The following C16orf46 variants were observed in gnomAD, a reference collection of about 807,000 sequenced individuals.
The protein encoded by C16orf46 is chromosome 16 open reading frame 46.
A neutral mutation model predicts 5.5 loss-of-function variants in C16orf46; 7 were observed. The ratio of observed to expected loss-of-function variants is 1.28; its 90% CI spans 0.73 to 2.40. The LOEUF (loss-of-function observed/expected upper bound fraction) is 2.40, where lower values mean the gene tolerates loss of function less well. Among genes scored for constraint, C16orf46 ranks in the 30% most tolerant of loss-of-function variants. C16orf46 has a pLI of 0.00. For synonymous variants in C16orf46, 200 were observed against 184.1 expected (o/e 1.09, Z -0.70); for missense variants, 614 against 476.0 (o/e 1.29, Z -2.70).
chr16:81,053,764 T>C (rs991444636), exon 4 of C16orf46: 4 of 275,900 alleles, frequency 1.4e-5, no homozygotes, highest in African/African-American at 8.7e-5. Flanking sequence ...GAAAATAAAT[T>C]GTTTTGAAAT....
Position 81,061,710 on chromosome 16 carries a change from G to A in C16orf46, c.639C>T (p.Pro213=), listed in dbSNP as rs200487806. The A allele has an allele frequency of 1.9e-5, 30 of 1,613,948 alleles. No individual in the cohort carries two copies. The highest frequency in any genetic ancestry group is 1.7e-5 in the Admixed American group (1 of 60,010). The part of the protein sequence containing the change: ...LTSRALLVLP[P]LKASLSNALD... ...AAGCATTTGAAAGTGAAGCCTTCAGGGGAGGCAGAACTAGGAGGGCCCTGG... is the reference window on the plus strand; with the variant it reads ...AAGCATTTGAAAGTGAAGCCTTCAGAGGAGGCAGAACTAGGAGGGCCCTGG... Residue 213 remains proline (P), a synonymous_variant, in exon 4 of 4, where the codon CCC becomes CCT. Transcript: ENST00000299578.
At chr16:81,076,089 C>G (rs1972031509) in intron 1 of C16orf46, among the ~76,000 whole-genome samples, 1 of 152,170 alleles carries the variant, frequency 6.6e-6, no homozygotes, top group South Asian at 2.1e-4. Flanking sequence ...GGGTCGGCTC[C>G]TTAACAACCT....
Position 81,061,333 on chromosome 16 carries a change from A to T in C16orf46, c.1016T>A (p.Phe339Tyr). The T allele has an allele frequency of 6.2e-7, 1 of 1,613,936 alleles. No homozygotes were observed. Among genetic ancestry groups the T allele is most frequent in the Non-Finnish European group, 8.5e-7 (1 of 1,179,992 alleles). Residue 339 changes from phenylalanine to tyrosine, a missense_variant, in exon 4 of 4, where the codon TTC (phenylalanine) becomes TAC (tyrosine). Phe to Tyr is a conservative substitution (Grantham distance 22). Coordinates refer to ENST00000299578, the MANE Select transcript of C16orf46 (RefSeq NM_152337.3). ...AGGAGATCTTGGCTCCTTGGCTTTG[A>T]ATTTGGATTTGTAGCTTTGCACTCC... ...KRGVQSYKSK[F>Y]KAKEPRSPVI...
Position 81,074,983 on chromosome 16 carries a change from T to C in C16orf46, c.-128+2153A>G, listed in dbSNP as rs549765080. 4.6e-5 allele frequency among the ~76,000 whole-genome samples: 7 copies of C among 152,284 alleles called. No individual in the cohort carries two copies. The South Asian group carries it at 1.4e-3, about 32-fold the overall frequency. On this transcript the variant is annotated intron_variant, in intron 1 of 3. Coordinates refer to ENST00000299578, the MANE Select transcript of C16orf46 (RefSeq NM_152337.3). ...CTTCTTGCTTGATGACTCCATTAAT[T>C]TGATGAGGATGCCTTCTGTATCTCC...
chr16:81,061,257 G>C lies in C16orf46; in HGVS notation c.1092C>G (p.Pro364=). The C allele has an allele frequency of 6.2e-7, 1 of 1,614,068 alleles. No individual in the cohort carries two copies. Among genetic ancestry groups the C allele is most frequent in the Non-Finnish European group, 8.5e-7 (1 of 1,180,020 alleles). Reference sequence around the variant, plus strand: ...GGAAAACTTTGGTCTCCAGCATTTGGGGCCTGTTTTCCTGCTTGGCCTTTG... The same window carrying C: ...GGAAAACTTTGGTCTCCAGCATTTGCGGCCTGTTTTCCTGCTTGGCCTTTG... The part of the protein sequence containing the change: ...VLPKAKQENR[P]QMLETKVFPR... Residue 364 remains proline, a synonymous_variant, in exon 4 of 4, where the codon CCC becomes CCG. Coordinates refer to ENST00000299578, the MANE Select transcript of C16orf46 (RefSeq NM_152337.3).
intron 1 of C16orf46, among the ~76,000 whole-genome samples, chr16:81,067,842 A>C (rs1027780776): frequency 1.3e-4 from 20 of 152,212 alleles, no homozygotes; most frequent in African/African-American, 4.3e-4. Context: ...TGAACAGATA[A>C]CAAGGTTTGT....
intron 3 of C16orf46, chr16:81,055,909 G>A (rs1971282998): frequency 6.6e-6 from 1 of 152,076 alleles, no homozygotes; most frequent in African/African-American, 2.4e-5. Context: ...GTAGAGACGG[G>A]GTTTCGCCAT....
chr16:81,064,227 T>A lies in C16orf46; in HGVS notation c.-38-234A>T, dbSNP rs556525445. ...GGTGAAAGCCAGTCTCTACTAAAAATAAGGCGGGCACCTGTAATCCCAGCT... is the reference window on the plus strand; with the variant it reads ...GGTGAAAGCCAGTCTCTACTAAAAAAAAGGCGGGCACCTGTAATCCCAGCT... On this transcript the variant is annotated intron_variant, in intron 2 of 3. Coordinates refer to ENST00000299578, the MANE Select transcript of C16orf46 (RefSeq NM_152337.3). Among the ~76,000 whole-genome samples the A allele has an allele frequency of 2.6e-5, 4 of 151,534 alleles. No individual in the cohort carries two copies. In the South Asian group the frequency reaches 8.4e-4, roughly 32 times the overall value.
intron 3 of C16orf46, 114 bp downstream of exon 3, chr16:81,063,632 A>G: frequency 1.2e-6 from 1 of 846,198 alleles, no homozygotes; most frequent in South Asian, 1.7e-5. Context: ...GGGTTTCTAC[A>G]TGTCATTGAT....
intron 1 of C16orf46, among the ~76,000 whole-genome samples, chr16:81,071,419 C>T (rs1322980654): frequency 2.6e-5 from 4 of 152,174 alleles, no homozygotes; most frequent in African/African-American, 9.7e-5. Context: ...CAAAGAAACA[C>T]TGGTTTCAAT....
chr16:81,072,913 G>A (rs1257251925), intron 1 of C16orf46, among the ~76,000 whole-genome samples: 1 of 152,048 alleles, frequency 6.6e-6, no homozygotes, highest in African/African-American at 2.4e-5. Context: ...ATGTTGGCCA[G>A]GCTGGTCTCC....
chr16:81,073,753 T>C (rs1469764303), intron 1 of C16orf46, among the ~76,000 whole-genome samples: 1 of 152,060 alleles, frequency 6.6e-6, no homozygotes, highest in Non-Finnish European at 1.5e-5. Flanking sequence ...GAAGTGGGGG[T>C]CACATCCCAA....
In C16orf46 at chr16:81,065,735, T is replaced by C. The variant is rs2151752692; in HGVS notation, c.-39+458A>G. Among the ~76,000 whole-genome samples, 2 of 152,300 alleles carry C rather than the reference T, an allele frequency of 1.3e-5. 1 individual carries two copies. The highest frequency in any genetic ancestry group is 4.1e-4 in the South Asian group (2 of 4,828). On this transcript the variant is annotated intron_variant, in intron 2 of 3. Transcript: ENST00000299578. ...CCAGAAAACTAGTTTTTTTCATTTTTTGTTTAGGAAGAGATCGGTACTTCT... is the reference window on the plus strand; with the variant it reads ...CCAGAAAACTAGTTTTTTTCATTTTCTGTTTAGGAAGAGATCGGTACTTCT...
At position 81,061,831 on chromosome 16, in the gene C16orf46, T is replaced by G. The variant is rs967588114; in HGVS notation, c.518A>C (p.Lys173Thr). 6.2e-7 allele frequency: 1 copy of G among 1,614,216 alleles called. No individual in the cohort carries two copies. The highest frequency in any genetic ancestry group is 8.5e-7 in the Non-Finnish European group (1 of 1,180,038). ...LQIKEFIWCN[K>T]DWAIPGTNRG... Reference sequence around the variant, plus strand: ...ATTAGTGCCGGGGATGGCCCAGTCTTTGTTGCACCAAATAAACTCCTTGAT... The same window carrying G: ...ATTAGTGCCGGGGATGGCCCAGTCTGTGTTGCACCAAATAAACTCCTTGAT... The change falls in exon 4 of 4, where the codon AAA becomes ACA. Residue 173 changes from lysine (K) to threonine (T), a missense_variant. Lys to Thr is a moderately conservative substitution (Grantham distance 78, BLOSUM62 -1). Transcript: ENST00000299578.
downstream of C16orf46, chr16:81,055,980 A>G (rs1164529698): frequency 6.6e-6 from 1 of 152,204 alleles, no homozygotes; most frequent in East Asian, 1.9e-4. Context: ...AGCCTCCCAA[A>G]GTCCTGGGAT....
At chr16:81,057,122 A>C (rs1318337315), downstream of C16orf46, among the ~76,000 whole-genome samples, 3 of 152,184 alleles carry the variant, frequency 2.0e-5, no homozygotes, top group African/African-American at 7.2e-5. Flanking sequence ...AGAATGATCC[A>C]GCCCCAAATA....
rs757375444 is a variant in C16orf46, at chr16:81,061,918, G to T, written c.431C>A (p.Ser144Tyr). 4.3e-6 allele frequency: 7 copies of T among 1,614,220 alleles called. No individual in the cohort carries two copies. The highest frequency in any genetic ancestry group is 3.3e-5 in the Admixed American group (2 of 60,014). The change falls in exon 4 of 4, where the codon TCC (serine) becomes TAC (tyrosine). Residue 144 changes from serine to tyrosine, a missense_variant. By Grantham distance (144) the Ser-to-Tyr change is moderately radical. Transcript: ENST00000299578. Reference sequence around the variant, plus strand: ...AAAGCAGATGTCGCTAATTGCCCTGGAAGCAGTGCTGGGGCCCTGGGGGGC... The same window carrying T: ...AAAGCAGATGTCGCTAATTGCCCTGTAAGCAGTGCTGGGGCCCTGGGGGGC... The part of the protein sequence containing the change: ...QAAPQGPSTA[S>Y]RAISDICFPT...
At chr16:81,071,118 A>C (rs1456634783) in intron 1 of C16orf46, among the ~76,000 whole-genome samples, 1 of 152,118 alleles carries the variant, frequency 6.6e-6, no homozygotes, top group African/African-American at 2.4e-5. Context: ...ATGGTGAGTT[A>C]TATTTGTTCT....
intron 1 of C16orf46, among the ~76,000 whole-genome samples, chr16:81,066,990 A>G (rs1431360998): frequency 6.6e-6 from 1 of 152,236 alleles, no homozygotes; most frequent in East Asian, 1.9e-4. Context: ...ACAAGCTATT[A>G]AAGTGATTAG....
Sources: gnomAD v4.1 joint callset for allele counts (sites outside exome capture counted in the v4.1 genomes callset) on GRCh38, gnomAD v4.1.1 for gene constraint, MANE v1.5 for transcripts, NCBI Gene and HGNC (gene_info 2026-07-23, HGNC 2026-07-21) for gene names.